Variants in MRTFA observed in about 807,000 individuals in gnomAD.
The protein encoded by MRTFA is myocardin related transcription factor A, also known as myocardin-related transcription factor A.
In MRTFA, 20 loss-of-function variants were observed where a neutral mutation model predicts 83.5. The observed-to-expected ratio is 0.24, with a 90% confidence interval of 0.17 to 0.35. The LOEUF (loss-of-function observed/expected upper bound fraction) is 0.35. Ranked by LOEUF, MRTFA falls within the 10% of genes least tolerant of loss-of-function variation. MRTFA has a pLI of 1.00. For synonymous variants in MRTFA, 659 were observed against 541.2 expected (o/e 1.22, Z -3.02); for missense variants, 1,200 against 1,224.7 (o/e 0.98, Z 0.30).
At chr22:40,574,302 G>A (rs2055838024) in intron 2 of MRTFA, among the ~76,000 whole-genome samples, 1 of 152,070 alleles carries the variant, frequency 6.6e-6, no homozygotes, top group Non-Finnish European at 1.5e-5. Context: ...ACCAACCACG[G>A]ATTGAAAATA....
At chr22:40,542,175 A>T (rs2055301690) in intron 3 of MRTFA, among the ~76,000 whole-genome samples, 1 of 151,854 alleles carries the variant, frequency 6.6e-6, no homozygotes, top group Admixed American at 6.6e-5. Flanking sequence ...CCTTTGTGAC[A>T]ATTTTCCCCA....
intron 2 of MRTFA, among the ~76,000 whole-genome samples, chr22:40,567,605 C>T (rs370429985): frequency 2.0e-5 from 3 of 152,224 alleles, no homozygotes; most frequent in East Asian, 1.9e-4. Flanking sequence ...TGCCAGGCCA[C>T]GGAAAACCTG....
At chr22:40,535,779 C>A (rs887253645) in intron 3 of MRTFA, among the ~76,000 whole-genome samples, 25 of 152,214 alleles carry the variant, frequency 1.6e-4, no homozygotes, top group Middle Eastern at 3.4e-3. Context: ...GTAGGAAGGG[C>A]AGAGGGCTGG....
intron 1 of MRTFA, among the ~76,000 whole-genome samples, chr22:40,607,362 G>C (rs188792944): frequency 6.6e-6 from 1 of 152,182 alleles, no homozygotes; most frequent in East Asian, 1.9e-4. Flanking sequence ...AAATTAGCAG[G>C]GCATGCTGGT....
chr22:40,495,980 C>T (rs1046752420), intron 3 of MRTFA, among the ~76,000 whole-genome samples: 9 of 151,596 alleles, frequency 5.9e-5, no homozygotes, highest in African/African-American at 1.5e-4. Context: ...GCTGGAGAAG[C>T]GCTTGAACCT....
At chr22:40,604,170 G>A (rs1423102443) in intron 1 of MRTFA, among the ~76,000 whole-genome samples, 4 of 146,168 alleles carry the variant, frequency 2.7e-5, no homozygotes, top group African/African-American at 7.6e-5. Flanking sequence ...TTGCTCTGTC[G>A]CCCAGGCTGG....
intron 3 of MRTFA, among the ~76,000 whole-genome samples, chr22:40,485,326 T>A (rs1462931578): frequency 6.6e-6 from 1 of 152,182 alleles, no homozygotes; most frequent in Non-Finnish European, 1.5e-5. Context: ...TTTTACACAC[T>A]GTGGGACAGA....
chr22:40,556,523 G>C (rs2055526871), intron 2 of MRTFA, among the ~76,000 whole-genome samples: 1 of 152,030 alleles, frequency 6.6e-6, no homozygotes, highest in South Asian at 2.1e-4. Flanking sequence ...AGGGAGACAA[G>C]TTCAAAAAAA....
chr22:40,545,083 C>G (rs1379326598), intron 3 of MRTFA, among the ~76,000 whole-genome samples: 1 of 151,592 alleles, frequency 6.6e-6, no homozygotes, highest in East Asian at 1.9e-4. Context: ...AAATCACTTT[C>G]CATTATGATA....
intron 4 of MRTFA, among the ~76,000 whole-genome samples, chr22:40,449,003 C>T (rs577635395): frequency 3.3e-5 from 5 of 152,224 alleles, no homozygotes; most frequent in Non-Finnish European, 5.9e-5. Context: ...CAGTGGCTCA[C>T]GCCTGTAATC....
intron 1 of MRTFA, among the ~76,000 whole-genome samples, chr22:40,620,566 A>C (rs966664733): frequency 6.6e-6 from 1 of 151,422 alleles, no homozygotes; most frequent in Non-Finnish European, 1.5e-5. Flanking sequence ...GAGCCACTGC[A>C]CCCAGCCAAC....
At chr22:40,426,067 G>A (rs963981586) in intron 7 of MRTFA, among the ~76,000 whole-genome samples, 5 of 152,162 alleles carry the variant, frequency 3.3e-5, no homozygotes, top group African/African-American at 9.7e-5. Flanking sequence ...GACTTAAAGT[G>A]AACCTTGACG....
chr22:40,472,253 C>T (rs995902752), intron 3 of MRTFA, among the ~76,000 whole-genome samples: 5 of 152,176 alleles, frequency 3.3e-5, no homozygotes, highest in Admixed American at 3.3e-4. Context: ...TAATGCAATG[C>T]CATGTCAAGA....
chr22:40,615,721 G>A (rs2056441340), intron 1 of MRTFA, among the ~76,000 whole-genome samples: 1 of 139,216 alleles, frequency 7.2e-6, no homozygotes, highest in Admixed American at 7.4e-5. Context: ...ACAGGGTTCT[G>A]TCACCCAGGC....
intron 3 of MRTFA, among the ~76,000 whole-genome samples, chr22:40,538,341 T>G (rs1200331766): frequency 6.9e-6 from 1 of 144,334 alleles, no homozygotes; most frequent in Admixed American, 7.1e-5. Context: ...GTGCAAGATG[T>G]GCTTTGTTAA....
chr22:40,530,977 A>G (rs779315096), intron 3 of MRTFA, among the ~76,000 whole-genome samples: 5 of 152,250 alleles, frequency 3.3e-5, no homozygotes, highest in Non-Finnish European at 7.3e-5. Context: ...ACCATGTGCC[A>G]GTATCAGAAG....
intron 2 of MRTFA, among the ~76,000 whole-genome samples, chr22:40,557,774 A>C (rs916477448): frequency 2.6e-5 from 4 of 152,242 alleles, no homozygotes; most frequent in East Asian, 1.9e-4. Flanking sequence ...CAAAAAAAAA[A>C]TTTCACTAAG....
chr22:40,634,533 G>A (rs2056674296), intron 1 of MRTFA, among the ~76,000 whole-genome samples: 1 of 152,188 alleles, frequency 6.6e-6, no homozygotes, highest in South Asian at 2.1e-4. Flanking sequence ...TCCCAGTGAA[G>A]TCTGGATTTA....
chr22:40,483,601 C>A (rs1415078003), intron 3 of MRTFA, among the ~76,000 whole-genome samples: 1 of 151,472 alleles, frequency 6.6e-6, no homozygotes, highest in Non-Finnish European at 1.5e-5. Context: ...AGGAGAATGG[C>A]ATGAACCCAG....
Sources: allele counts gnomAD v4.1 joint callset (sites outside exome capture counted in the v4.1 genomes callset), GRCh38; gene constraint gnomAD v4.1.1; transcripts MANE v1.5; gene names NCBI Gene and HGNC (gene_info 2026-07-23, HGNC 2026-07-21).